Variants in PAAF1 observed in about 807,000 individuals in gnomAD.
PAAF1 encodes the protein proteasomal ATPase-associated factor 1.
A neutral mutation model predicts 52.8 loss-of-function variants in PAAF1; 46 were observed. The ratio of observed to expected loss-of-function variants is 0.87; its 90% CI spans 0.69 to 1.11. The LOEUF (loss-of-function observed/expected upper bound fraction) is 1.11, where lower values mean the gene tolerates loss of function less well. Among genes scored for constraint, PAAF1 ranks in the 50% most tolerant of loss-of-function variants. The probability of loss-of-function intolerance (pLI) is 0.00; values close to 1 mark genes in which losing one functional copy is unlikely to be tolerated. For synonymous variants in PAAF1, 178 were observed against 172.8 expected (o/e 1.03, Z -0.24); for missense variants, 424 against 477.4 (o/e 0.89, Z 1.04).
At chr11:73,890,674 T>C (rs1274009224) in intron 3 of PAAF1, among the ~76,000 whole-genome samples, 1 of 152,248 alleles carries the variant, frequency 6.6e-6, no homozygotes, top group African/African-American at 2.4e-5. Flanking sequence ...ACTTTTAGAC[T>C]TGTCTTTTAA....
intron 6 of PAAF1, among the ~76,000 whole-genome samples, chr11:73,908,329 ATATATATGTG>A (rs200366959): frequency 0.12 from 18,108 of 144,980 alleles, 1,224 homozygotes; most frequent in Admixed American, 0.15. Flanking sequence ...GTATATATGT[ATATATATGTG>A]TATATATGTG....
chr11:73,887,027 T>C (rs1364597669), intron 2 of PAAF1: 2 of 453,792 alleles, frequency 4.4e-6, no homozygotes, highest in Non-Finnish European at 8.8e-6. Flanking sequence ...CCTTCTGCCA[T>C]GAGTGGAAGC....
In PAAF1 at chr11:73,921,847, G is replaced by A. The variant is rs549377568; in HGVS notation, c.1019-2768G>A. The A allele has an allele frequency of 3.6e-6, 4 of 1,111,498 alleles. No individual in the cohort carries two copies. In the East Asian group the frequency reaches 1.1e-4, roughly 30 times the overall value. The allele number at this position is 1,111,498 out of a possible 1,614,324, so 68.9% of individuals were successfully genotyped here. A position where few individuals can be genotyped will look rare whatever the true frequency, so the allele number is the denominator to read the frequency against. On this transcript the variant is annotated intron_variant, in intron 10 of 11. Transcript: ENST00000310571. ...TTTGTTTGCAGGTTTGGGATACATT[G>A]CATTAAGTGGAAAACCAGGTTCTCC...
intron 2 of PAAF1, among the ~76,000 whole-genome samples, chr11:73,881,639 ATGT>A (rs34941273): frequency 1.1e-4 from 17 of 151,994 alleles, no homozygotes; most frequent in Admixed American, 3.3e-4. Flanking sequence ...AACAAACTTA[ATGT>A]TGTTGTTGTT....
chr11:73,901,094 G>C (rs1262021383), intron 6 of PAAF1, among the ~76,000 whole-genome samples: 1 of 151,418 alleles, frequency 6.6e-6, no homozygotes, highest in African/African-American at 2.4e-5. Context: ...AATAGAGAGA[G>C]AGAGTGAGAG....
chr11:73,918,352 A>ATT lies in PAAF1; in HGVS notation c.936-568_936-567dup, dbSNP rs1157984685. 6.8e-3 allele frequency among the ~76,000 whole-genome samples: 488 copies of ATT among 71,686 alleles called. 27 individuals are homozygous for ATT. Among genetic ancestry groups the ATT allele is most frequent in the Non-Finnish European group, 0.01 (391 of 38,492 alleles). 47.0% of individuals were successfully genotyped at this position (71,686 alleles called of 152,430 possible). On this transcript the variant is annotated intron_variant, in intron 9 of 11. Coordinates refer to ENST00000310571, the MANE Select transcript of PAAF1 (RefSeq NM_025155.3). Reference sequence around the variant, plus strand: ...TTTCTTCCATCATTTCAGTTACTTAATTTTTTTTTTTTTTTTTTTTTTTTT... The same window carrying ATT: ...TTTCTTCCATCATTTCAGTTACTTAATTTTTTTTTTTTTTTTTTTTTTTTTTT...
chr11:73,914,478 T>G lies in PAAF1; in HGVS notation c.793T>G (p.Cys265Gly). ...LLAREDKKLQ[C>G]LGLQSRQLVF... ...GGCCCGGGAAGATAAGAAACTTCAG[T>G]GCTTGGGACTACAGAGCAGGCAGCT... Residue 265 changes from cysteine to glycine, a missense_variant, in exon 8 of 12, where the codon TGC becomes GGC. Coordinates refer to ENST00000310571, the MANE Select transcript of PAAF1 (RefSeq NM_025155.3). 6.2e-7 allele frequency: 1 copy of G among 1,614,038 alleles called. No homozygotes were observed. Among genetic ancestry groups the G allele is most frequent in the Non-Finnish European group, 8.5e-7 (1 of 1,179,936 alleles).
chr11:73,889,257 T>C lies in PAAF1; in HGVS notation c.192+1800T>C, dbSNP rs1419846176. On this transcript the variant is annotated intron_variant, in intron 3 of 11. Coordinates refer to ENST00000310571, the MANE Select transcript of PAAF1 (RefSeq NM_025155.3). ...AGTGGGTTCAGACAGTAAGTGCTTA[T>C]GGTTGAACATTCATTTGTTTCCTAA... is the stretch of plus-strand genomic sequence containing the variant. 5 of 1,335,316 alleles carry C rather than the reference T, an allele frequency of 3.7e-6. No individual in the cohort carries two copies. The East Asian group carries it at 1.1e-4, about 30-fold the overall frequency. The allele number at this position is 1,335,316 out of a possible 1,614,324, so 82.7% of individuals were successfully genotyped here.
chr11:73,900,843 G>C (rs549472973), intron 6 of PAAF1, among the ~76,000 whole-genome samples: 1 of 151,160 alleles, frequency 6.6e-6, no homozygotes, highest in Admixed American at 6.6e-5. Flanking sequence ...TTAGCCGGGC[G>C]TAGTGGCGGG....
chr11:73,914,405 T>TTA lies in PAAF1; in HGVS notation c.728-8_728-7insTA. ...CACTGTTATTAACATAGTTTATTTG[T>TTA]CATGCAGGTGAACGGGAGGTTGGAA... On this transcript the variant is annotated splice_polypyrimidine_tract_variant and splice_region_variant and intron_variant, in intron 7 of 11. Transcript: ENST00000310571. The TTA allele has an allele frequency of 6.2e-7, 1 of 1,613,608 alleles. No homozygotes were observed. The highest frequency in any genetic ancestry group is 8.5e-7 in the Non-Finnish European group (1 of 1,179,622).
intron 4 of PAAF1, among the ~76,000 whole-genome samples, chr11:73,895,275 G>A (rs1017238750): frequency 1.3e-5 from 2 of 152,216 alleles, no homozygotes; most frequent in African/African-American, 2.4e-5. Context: ...CTAATTGGAG[G>A]AGGAGGAGTT....
In PAAF1 at chr11:73,927,443, A is replaced by G; in HGVS notation, c.*81A>G. 8.3e-7 allele frequency: 1 copy of G among 1,211,368 alleles called. No individual in the cohort carries two copies. The highest frequency in any genetic ancestry group is 2.4e-5 in the East Asian group (1 of 41,910). The allele number at this position is 1,211,368 out of a possible 1,614,324, so 75.0% of individuals were successfully genotyped here. The stretch of plus-strand genomic sequence containing the variant: ...AGCAGAAACATCATCAGTCCTTCCC[A>G]AGGACCATGGCGTTTAATGTCTTGG... On this transcript the variant is annotated 3_prime_UTR_variant, in exon 12 of 12. Coordinates refer to ENST00000310571, the MANE Select transcript of PAAF1 (RefSeq NM_025155.3).
chr11:73,912,111 T>C (rs1949950011), intron 7 of PAAF1, among the ~76,000 whole-genome samples: 1 of 152,178 alleles, frequency 6.6e-6, no homozygotes, highest in Non-Finnish European at 1.5e-5. Flanking sequence ...CTTAAAGGTC[T>C]CCTTTTATGA....
rs1950412655 is a variant in PAAF1 at position 73,928,563 on chromosome 11, AT to A, written c.*1202del. The A allele has an allele frequency of 6.6e-6, 1 of 152,176 alleles. No homozygotes were observed. Among genetic ancestry groups the A allele is most frequent in the South Asian group, 2.1e-4 (1 of 4,830 alleles). The allele number at this position is 152,176 out of a possible 1,614,324, so 9.4% of individuals were successfully genotyped here. ...AGACGTTCCTCATTCTTTTTTAACA[AT>A]GTCCAGAATATGGATACCATATTAT... On this transcript the variant is annotated 3_prime_UTR_variant, in exon 12 of 12. Transcript: ENST00000310571.
chr11:73,902,655 G>T (rs1157896657), intron 6 of PAAF1, among the ~76,000 whole-genome samples: 2 of 151,956 alleles, frequency 1.3e-5, no homozygotes, highest in Admixed American at 1.3e-4. Flanking sequence ...GAATATGTAT[G>T]GACCTTTAGC....
At chr11:73,907,975 A>C (rs926806001) in intron 6 of PAAF1, among the ~76,000 whole-genome samples, 8 of 151,502 alleles carry the variant, frequency 5.3e-5, no homozygotes, top group African/African-American at 1.7e-4. Flanking sequence ...AAATCCAGGA[A>C]CTCATTGCTG....
In PAAF1 at chr11:73,928,024, AAT is replaced by A. The variant is rs1950406558; in HGVS notation, c.*663_*664del. 1 of 152,342 alleles carries A rather than the reference AAT, an allele frequency of 6.6e-6. No homozygotes were observed. The highest frequency in any genetic ancestry group is 2.4e-5 in the African/African-American group (1 of 41,458). 9.4% of individuals were successfully genotyped at this position (152,342 alleles called of 1,614,324 possible). A position where few individuals can be genotyped will look rare whatever the true frequency, so the allele number is the denominator to read the frequency against. ...AGCCTATATGTAGGTGAGGAAACTGAATCATAAGCATTGTAAAGGCATTGGCT... is the reference window on the plus strand; with the variant it reads ...AGCCTATATGTAGGTGAGGAAACTGACATAAGCATTGTAAAGGCATTGGCT... On this transcript the variant is annotated 3_prime_UTR_variant, in exon 12 of 12. Transcript: ENST00000310571.
intron 11 of PAAF1, among the ~76,000 whole-genome samples, chr11:73,926,492 G>A (rs1950362802): frequency 1.3e-5 from 2 of 152,174 alleles, no homozygotes; most frequent in African/African-American, 2.4e-5. Flanking sequence ...TGCGAATCAC[G>A]AGGTCAGGAG....
chr11:73,899,097 AAG>A (rs754810940), intron 4 of PAAF1, 47 bp from the exon 5 acceptor site: 1 of 1,408,294 alleles, frequency 7.1e-7, no homozygotes, highest in Admixed American at 1.7e-5. Context: ...TCAAGGGAAT[AAG>A]AGTATTTCAT....
Sources: allele counts gnomAD v4.1 joint callset (sites outside exome capture counted in the v4.1 genomes callset), GRCh38; gene constraint gnomAD v4.1.1; transcripts MANE v1.5; gene names NCBI Gene and HGNC (gene_info 2026-07-23, HGNC 2026-07-21).